Variants in GEMIN7 observed in about 807,000 individuals in gnomAD.
The protein encoded by GEMIN7 is gem nuclear organelle associated protein 7, also known as gem-associated protein 7.
Under a neutral mutation model 7.8 loss-of-function variants are expected in GEMIN7, and 7 were observed. The ratio of observed to expected loss-of-function variants is 0.90; its 90% CI spans 0.51 to 1.69. GEMIN7 has a LOEUF of 1.69. GEMIN7 is among the 40% of genes most tolerant of loss of function. GEMIN7 has a pLI of 0.00. For missense variants in GEMIN7, 159 were observed against 176.2 expected (o/e 0.90, Z 0.55); for synonymous variants, 68 against 72.4 (o/e 0.94, Z 0.31).
upstream of GEMIN7, chr19:45,075,687 G>C: frequency 6.2e-7 from 1 of 1,609,194 alleles, no homozygotes; most frequent in Non-Finnish European, 8.5e-7. Context: ...GAACTTGAGA[G>C]GGGGACTGCA....
At chr19:45,081,568 C>T (rs1967505777) in intron 2 of GEMIN7, among the ~76,000 whole-genome samples, 2 of 148,772 alleles carry the variant, frequency 1.3e-5, no homozygotes, top group Admixed American at 6.7e-5. Flanking sequence ...TGCTCTTTCC[C>T]TCAAATTATA....
chr19:45,087,901 G>C (rs938023477), intron 2 of GEMIN7, among the ~76,000 whole-genome samples: 3 of 151,554 alleles, frequency 2.0e-5, no homozygotes, highest in Non-Finnish European at 4.4e-5. Context: ...GTTAGGTTGT[G>C]AATAAATAAA....
intron 2 of GEMIN7, among the ~76,000 whole-genome samples, chr19:45,084,018 C>A (rs994641644): frequency 1.3e-5 from 2 of 151,628 alleles, no homozygotes; most frequent in African/African-American, 4.8e-5. Context: ...CAAGACCAGC[C>A]TGGCCAACAT....
intron 2 of GEMIN7, among the ~76,000 whole-genome samples, chr19:45,080,544 T>C (rs1328948264): frequency 6.6e-6 from 1 of 151,788 alleles, no homozygotes; most frequent in Non-Finnish European, 1.5e-5. Flanking sequence ...TCCAGCTAAT[T>C]TTTTTTGTAT....
Position 45,081,053 on chromosome 19 carries a change from G to C in GEMIN7, c.-9+1024G>C, listed in dbSNP as rs185779312. ...GTGTTGGCGTGGGCCTGTAATCCCA[G>C]CTTCTCGGAAGGCTGAGGTGGGAGG... On this transcript the variant is annotated intron_variant, in intron 2 of 2. Transcript: ENST00000270257. 1.2e-3 allele frequency among the ~76,000 whole-genome samples: 182 copies of C among 152,328 alleles called. 1 individual carries two copies. Among genetic ancestry groups the C allele is most frequent in the Middle Eastern group, 6.8e-3 (2 of 294 alleles).
chr19:45,076,305 G>A (rs1967350250), upstream of GEMIN7: 4 of 1,435,292 alleles, frequency 2.8e-6, no homozygotes, highest in African/African-American at 4.5e-5. The surrounding 1 kb of genome is among the most constrained non-coding windows in gnomAD (Gnocchi z 4.9). Flanking sequence ...TTTCCATCTC[G>A]TCGTCTGGGT....
intron 2 of GEMIN7, among the ~76,000 whole-genome samples, chr19:45,084,097 G>A (rs1268208303): frequency 1.3e-5 from 2 of 151,154 alleles, no homozygotes; most frequent in Non-Finnish European, 2.9e-5. Flanking sequence ...TGTAATCCCA[G>A]CTACTTGGGA....
At chr19:45,086,343 C>A (rs565837902) in intron 2 of GEMIN7, among the ~76,000 whole-genome samples, 1 of 152,112 alleles carries the variant, frequency 6.6e-6, no homozygotes, top group Non-Finnish European at 1.5e-5. Flanking sequence ...GTACCCAACA[C>A]TTGTCACTCA....
chr19:45,083,285 TA>T (rs1363860069), intron 2 of GEMIN7, among the ~76,000 whole-genome samples: 1 of 152,012 alleles, frequency 6.6e-6, no homozygotes, highest in African/African-American at 2.4e-5. Flanking sequence ...CTGTCTCTAC[TA>T]AAATACAAAA....
chr19:45,076,293 C>T (rs1967349821), upstream of GEMIN7: 3 of 1,457,212 alleles, frequency 2.1e-6, no homozygotes, highest in South Asian at 1.5e-5. This position sits in a 1 kb window ranked among gnomAD's most constrained non-coding sequence, Gnocchi z 4.9. Context: ...CGAGGTCCTG[C>T]ATTTCCATCT....
rs1463753796 is a variant in GEMIN7, at chr19:45,090,725, C to G, written c.*215C>G. On this transcript the variant is annotated 3_prime_UTR_variant, in exon 3 of 3. Transcript: ENST00000270257. Reference sequence around the variant, plus strand: ...CTAAGATCCCATTGGAAGGAATGCTCTACCTCACAGAACTCTGAACCCTAC... The same window carrying G: ...CTAAGATCCCATTGGAAGGAATGCTGTACCTCACAGAACTCTGAACCCTAC... 1.2e-5 allele frequency: 7 copies of G among 576,824 alleles called. No individual in the cohort carries two copies. Among genetic ancestry groups the G allele is most frequent in the African/African-American group, 1.9e-5 (1 of 53,348 alleles). The allele number at this position is 576,824 out of a possible 1,614,324, so 35.7% of individuals were successfully genotyped here.
At position 45,090,160 on chromosome 19, in the gene GEMIN7, C is replaced by T. The variant is rs369264922; in HGVS notation, c.46C>T (p.Arg16Trp). 1.1e-5 allele frequency: 18 copies of T among 1,613,888 alleles called. No individual in the cohort carries two copies. The highest frequency in any genetic ancestry group is 1.4e-5 in the Non-Finnish European group (16 of 1,179,946). ...NIPVPVLRLP[R>W]GPDGFSRGFA... ...TCCCGTGCCTGTGCTCCGGCTGCCC[C>T]GGGGCCCTGATGGCTTCAGCCGTGG... Residue 16 changes from arginine to tryptophan, a missense_variant, in exon 3 of 3, where the codon CGG (arginine) becomes TGG (tryptophan). Physicochemically the swap from Arg to Trp is moderately radical, Grantham distance 101. Coordinates refer to ENST00000270257, the MANE Select transcript of GEMIN7 (RefSeq NM_024707.3).
chr19:45,081,506 C>T (rs1341875899), intron 2 of GEMIN7, among the ~76,000 whole-genome samples: 4 of 140,738 alleles, frequency 2.8e-5, no homozygotes, highest in African/African-American at 8.3e-5. Context: ...ATTCCATTCA[C>T]GTGGTCTTCC....
chr19:45,089,887 GTCCT>G (rs1473628162), intron 2 of GEMIN7, among the ~76,000 whole-genome samples: 1 of 152,140 alleles, frequency 6.6e-6, no homozygotes, highest in East Asian at 1.9e-4. Context: ...GCAGACAAAG[GTCCT>G]TGCCTTCACG....
At chr19:45,083,788 G>C (rs77675453) in intron 2 of GEMIN7, among the ~76,000 whole-genome samples, 13,264 of 150,840 alleles carry the variant, frequency 0.088, 823 homozygotes, top group Non-Finnish European at 0.13. Context: ...TTCTGGAGAC[G>C]AGATTTTGCT....
intron 2 of GEMIN7, among the ~76,000 whole-genome samples, chr19:45,089,080 T>C (rs1281908702): frequency 6.6e-5 from 10 of 152,020 alleles, no homozygotes; most frequent in Non-Finnish European, 2.9e-5. Flanking sequence ...TAGCTGGGAC[T>C]ACAGGCGCAT....
chr19:45,077,927 G>A (rs1043479304), upstream of GEMIN7, among the ~76,000 whole-genome samples: 2 of 150,988 alleles, frequency 1.3e-5, no homozygotes, highest in South Asian at 2.1e-4. Flanking sequence ...ACAGGGACTC[G>A]CTTTGTTGCC....
chr19:45,089,024 C>T (rs1156584489), intron 2 of GEMIN7, among the ~76,000 whole-genome samples: 2 of 151,842 alleles, frequency 1.3e-5, no homozygotes, highest in Non-Finnish European at 2.9e-5. Context: ...TCACTGCAGC[C>T]TCCGCCTTTT....
At chr19:45,089,184 C>T (rs1967808415) in intron 2 of GEMIN7, among the ~76,000 whole-genome samples, 2 of 152,106 alleles carry the variant, frequency 1.3e-5, no homozygotes, top group Non-Finnish European at 2.9e-5. Flanking sequence ...TCAAGTGATT[C>T]GCCCACCTTG....
Sources: allele counts gnomAD v4.1 joint callset (sites outside exome capture counted in the v4.1 genomes callset), GRCh38; gene constraint gnomAD v4.1.1; non-coding constraint Gnocchi (gnomAD v3.1); transcripts MANE v1.5; gene names NCBI Gene and HGNC (gene_info 2026-07-23, HGNC 2026-07-21).